The following RBFOX1 variants were observed in gnomAD, a reference collection of about 807,000 sequenced individuals.
RBFOX1 encodes RNA binding protein fox-1 homolog 1.
In RBFOX1, 8 loss-of-function variants were observed where a neutral mutation model predicts 57.7. That is an observed-to-expected ratio of 0.14 (90% CI 0.08 to 0.25). The LOEUF (loss-of-function observed/expected upper bound fraction) is 0.25. RBFOX1 is among the 10% of genes least tolerant of loss of function. RBFOX1 has a pLI of 1.00. For missense variants in RBFOX1, 611 were observed against 548.5 expected (o/e 1.11, Z -1.14); for synonymous variants, 326 against 222.4 (o/e 1.47, Z -4.15).
chr16:7,292,325 TATATC>T (rs1212645814), intron 4 of RBFOX1, among the ~76,000 whole-genome samples: 16 of 133,184 alleles, frequency 1.2e-4, no homozygotes, highest in Non-Finnish European at 2.0e-4. Context: ...TTATATATCA[TATATC>T]ATACATGATA....
At chr16:6,919,411 AAAAAT>A (rs1218181038) in intron 3 of RBFOX1, among the ~76,000 whole-genome samples, 1 of 151,448 alleles carries the variant, frequency 6.6e-6, no homozygotes, top group Non-Finnish European at 1.5e-5. Flanking sequence ...TTATAGACCA[AAAAAT>A]AAAATAAAGC....
intron 4 of RBFOX1, among the ~76,000 whole-genome samples, chr16:5,936,939 G>A (rs1320425861): frequency 6.6e-6 from 1 of 152,110 alleles, no homozygotes; most frequent in Non-Finnish European, 1.5e-5. Flanking sequence ...GTAGAGCACT[G>A]CATACATCTG....
intron 3 of RBFOX1, among the ~76,000 whole-genome samples, chr16:5,794,639 G>A (rs1452091846): frequency 1.3e-5 from 2 of 152,146 alleles, no homozygotes; most frequent in Admixed American, 6.6e-5. Flanking sequence ...CTGTGGATGG[G>A]GGATGCAGCT....
chr16:5,373,646 C>T (rs2065914024), intron 1 of RBFOX1, among the ~76,000 whole-genome samples: 1 of 152,108 alleles, frequency 6.6e-6, no homozygotes, highest in South Asian at 2.1e-4. Context: ...TCTCTGTCAC[C>T]CAGGCTGGTG....
At chr16:7,020,046 C>T (rs1435001376) in intron 3 of RBFOX1, among the ~76,000 whole-genome samples, 1 of 150,376 alleles carries the variant, frequency 6.6e-6, no homozygotes, top group Non-Finnish European at 1.5e-5. Context: ...TTTTCTAGAT[C>T]AGCTTAGGTG....
intron 2 of RBFOX1, among the ~76,000 whole-genome samples, chr16:6,417,467 G>T (rs542153604): frequency 7.2e-5 from 9 of 125,778 alleles, no homozygotes; most frequent in African/African-American, 2.7e-4. Flanking sequence ...TTGGCTCACT[G>T]CAATCTCTGT....
chr16:6,976,998 A>T (rs111208325), intron 3 of RBFOX1, among the ~76,000 whole-genome samples: 1 of 147,090 alleles, frequency 6.8e-6, no homozygotes, highest in East Asian at 2.0e-4. Flanking sequence ...ATCACATGCC[A>T]TATATTGTAT....
chr16:7,202,451 G>C (rs528066725), intron 4 of RBFOX1, among the ~76,000 whole-genome samples: 3 of 152,172 alleles, frequency 2.0e-5, no homozygotes, highest in Non-Finnish European at 4.4e-5. Context: ...AGAACTGCCA[G>C]ATGATCCAAC....
At chr16:5,836,749 C>G (rs936078419) in intron 3 of RBFOX1, among the ~76,000 whole-genome samples, 8 of 152,174 alleles carry the variant, frequency 5.3e-5, no homozygotes, top group Admixed American at 1.3e-4. Context: ...CCATTAGCAT[C>G]CCTCCTCACG....
intron 1 of RBFOX1, among the ~76,000 whole-genome samples, chr16:6,184,444 G>A (rs2097091791): frequency 6.6e-6 from 1 of 152,240 alleles, no homozygotes; most frequent in Non-Finnish European, 1.5e-5. Flanking sequence ...GGTGTGAGAA[G>A]TGGTCAGAGT....
At position 7,503,938 on chromosome 16, in the gene RBFOX1, T is replaced by C. The variant is rs12443729; in HGVS notation, c.28-14209T>C. On this transcript the variant is annotated intron_variant, in intron 4 of 15. Transcript: ENST00000550418. ...GCCAAGTACTTACTACAGCTGAGCT[T>C]TCTGGTCTTGACTGTGTATTATAGT... Among the ~76,000 whole-genome samples the C allele has an allele frequency of 2.3e-3, 343 of 152,270 alleles. 1 individual carries two copies. Among genetic ancestry groups the C allele is most frequent in the Middle Eastern group, 0.017 (5 of 294 alleles).
chr16:7,143,998 G>A (rs898544473), intron 4 of RBFOX1, among the ~76,000 whole-genome samples: 2 of 152,020 alleles, frequency 1.3e-5, no homozygotes, highest in Admixed American at 1.3e-4. Flanking sequence ...TGTTGTCTTT[G>A]GAACATTCAT....
intron 2 of RBFOX1, among the ~76,000 whole-genome samples, chr16:6,334,438 G>A (rs575815441): frequency 7.5e-5 from 11 of 146,766 alleles, no homozygotes; most frequent in Non-Finnish European, 1.5e-4. Flanking sequence ...AACCCAGGAG[G>A]TCTAGGTTGC....
intron 1 of RBFOX1, among the ~76,000 whole-genome samples, chr16:5,263,947 C>T (rs1236717796): frequency 1.3e-5 from 2 of 152,122 alleles, no homozygotes; most frequent in Non-Finnish European, 2.9e-5. Flanking sequence ...TGATTCTTTC[C>T]AGTATCATTC....
At chr16:5,677,433 T>C (rs922704287) in intron 3 of RBFOX1, among the ~76,000 whole-genome samples, 4 of 152,158 alleles carry the variant, frequency 2.6e-5, no homozygotes, top group African/African-American at 9.7e-5. Flanking sequence ...CTGTTTACAG[T>C]AGATAAATGG....
chr16:5,936,362 G>A (rs112315664), intron 4 of RBFOX1, among the ~76,000 whole-genome samples: 1,830 of 152,240 alleles, frequency 0.012, 50 homozygotes, highest in African/African-American at 0.042. Flanking sequence ...GACCTCAAGT[G>A]ATCCACCTAC....
chr16:6,998,017 A>T (rs1328274071), intron 3 of RBFOX1, among the ~76,000 whole-genome samples: 1 of 152,116 alleles, frequency 6.6e-6, no homozygotes, highest in East Asian at 1.9e-4. Flanking sequence ...ATTGAAGGTA[A>T]ATGCCGTTCT....
At chr16:7,668,840 A>C (rs1173333045) in intron 13 of RBFOX1, among the ~76,000 whole-genome samples, 1 of 152,230 alleles carries the variant, frequency 6.6e-6, no homozygotes, top group Non-Finnish European at 1.5e-5. Flanking sequence ...GAGTTTATAC[A>C]AACAGAGTTG....
intron 2 of RBFOX1, among the ~76,000 whole-genome samples, chr16:6,472,786 C>T (rs752341522): frequency 6.6e-6 from 1 of 151,918 alleles, no homozygotes; most frequent in Non-Finnish European, 1.5e-5. Context: ...CCATGCCCAG[C>T]TGTTTTTTTT....
Sources: gnomAD v4.1 joint callset for allele counts (sites outside exome capture counted in the v4.1 genomes callset) on GRCh38, gnomAD v4.1.1 for gene constraint, MANE v1.5 for transcripts, NCBI Gene and HGNC (gene_info 2026-07-23, HGNC 2026-07-21) for gene names.